The following ADAP1 variants were observed in gnomAD, a reference collection of about 807,000 sequenced individuals.
ADAP1 encodes arf-GAP with dual PH domain-containing protein 1.
A neutral mutation model predicts 54.9 loss-of-function variants in ADAP1; 31 were observed. That is an observed-to-expected ratio of 0.56 (90% CI 0.42 to 0.76). The LOEUF is 0.76. Ranked by LOEUF, ADAP1 falls within the 30% of genes least tolerant of loss-of-function variation. The pLI is 0.00. For missense variants in ADAP1, 535 were observed against 512.4 expected (o/e 1.04, Z -0.42); for synonymous variants, 313 against 202.6 (o/e 1.55, Z -4.63).
At position 919,892 on chromosome 7, in the gene ADAP1, G is replaced by A. The variant is rs532379180; in HGVS notation, c.388+76C>T. 1.1e-4 allele frequency: 108 copies of A among 983,222 alleles called. 1 individual carries two copies. The highest frequency in any genetic ancestry group is 3.2e-4 in the Middle Eastern group (1 of 3,108). The allele number at this position is 983,222 out of a possible 1,614,324, so 60.9% of individuals were successfully genotyped here. ...GGAGGGAAAGAGATGGGGGAGGGAG[G>A]GAAAGAGATGGGGGAGGGAGGGAGA... is the stretch of plus-strand genomic sequence containing the variant. On this transcript the variant is annotated intron_variant, in intron 4 of 10. Transcript: ENST00000265846.
Position 946,349 on chromosome 7 carries a change from C to T in ADAP1, c.82+8047G>A, listed in dbSNP as rs1292850985. On this transcript the variant is annotated intron_variant, in intron 1 of 10. Coordinates refer to ENST00000265846, the MANE Select transcript of ADAP1 (RefSeq NM_006869.4). The surrounding 1 kb of genome is among the most constrained non-coding windows in gnomAD (Gnocchi z 4.3). ...CCTCTCTGCCCAGGCCCCAGGCCCC[C>T]ACCCCCTCACGCTCACGGGCGGCCC... Among the ~76,000 whole-genome samples, 4 of 152,070 alleles carry T rather than the reference C, an allele frequency of 2.6e-5. No individual in the cohort carries two copies. The highest frequency in any genetic ancestry group is 7.3e-5 in the African/African-American group (3 of 41,364).
intron 2 of ADAP1, among the ~76,000 whole-genome samples, chr7:929,036 GT>G (rs1398796231): frequency 6.6e-6 from 1 of 152,234 alleles, no homozygotes; most frequent in Non-Finnish European, 1.5e-5. Context: ...GCTCACGCCT[GT>G]CATCCCAGCA....
In ADAP1 at chr7:935,035, C is replaced by G. The variant is rs551840868; in HGVS notation, c.213+340G>C. 1.0e-4 allele frequency: 46 copies of G among 448,642 alleles called. 1 individual carries two copies. Among genetic ancestry groups the G allele is most frequent in the South Asian group, 7.7e-4 (46 of 59,782 alleles). 27.8% of individuals were successfully genotyped at this position (448,642 alleles called of 1,614,324 possible). On this transcript the variant is annotated intron_variant, in intron 2 of 10. Coordinates refer to ENST00000265846, the MANE Select transcript of ADAP1 (RefSeq NM_006869.4). ...TTCTGTTTCCTTAGAGACAGGGTCT[C>G]TTTTACCCTGAGCCCAGTGCTCCAG... is the stretch of plus-strand genomic sequence containing the variant.
intron 2 of ADAP1, among the ~76,000 whole-genome samples, chr7:932,303 G>A (rs961375135): frequency 6.6e-6 from 1 of 152,160 alleles, no homozygotes; most frequent in African/African-American, 2.4e-5. Context: ...CATCACCCCA[G>A]GCAGATCAGG....
In ADAP1 at chr7:904,270, G is replaced by A. The variant is rs201134549; in HGVS notation, c.504C>T (p.Ala168=). Reference sequence around the variant, plus strand: ...TCTTCATCACGGCCTTGGGCTCCTTGGCCTGAGAAGGGGTGGGGTCTAAGC... The same window carrying A: ...TCTTCATCACGGCCTTGGGCTCCTTAGCCTGAGAAGGGGTGGGGTCTAAGC... ...GALKYFNRND[A]KEPKAVMKIE... is the part of the protein sequence containing the mutation. The change falls in exon 6 of 11, where the codon GCC becomes GCT. Residue 168 remains alanine, a splice_region_variant and synonymous_variant. Coordinates refer to ENST00000265846, the MANE Select transcript of ADAP1 (RefSeq NM_006869.4). 6.3e-7 allele frequency: 1 copy of A among 1,588,282 alleles called. No individual in the cohort carries two copies. The highest frequency in any genetic ancestry group is 2.3e-5 in the East Asian group (1 of 44,162).
chr7:911,483 C>G (rs1302258933), intron 4 of ADAP1, among the ~76,000 whole-genome samples: 1 of 152,162 alleles, frequency 6.6e-6, no homozygotes, highest in South Asian at 2.1e-4. Context: ...ACAGGGGCCC[C>G]AGCGCCCAAG....
intron 1 of ADAP1, among the ~76,000 whole-genome samples, chr7:952,149 C>G (rs573119861): frequency 5.9e-5 from 9 of 152,106 alleles, no homozygotes; most frequent in African/African-American, 2.2e-4. Flanking sequence ...GGCCGCCGGG[C>G]GAGGCCCCCT....
intron 6 of ADAP1, chr7:903,915 C>T (rs896577192): frequency 2.6e-5 from 15 of 581,440 alleles, no homozygotes; most frequent in Non-Finnish European, 3.4e-5. Flanking sequence ...CTGCACCTGT[C>T]TTCCCATGCT....
rs372776243 is a variant in ADAP1, at chr7:905,403, A to AG, written c.389-232dup. The AG allele has an allele frequency of 8.9e-4, 204 of 229,592 alleles. 45 individuals are homozygous for AG. The highest frequency in any genetic ancestry group is 4.6e-3 in the South Asian group (85 of 18,422). The allele number at this position is 229,592 out of a possible 1,614,324, so 14.2% of individuals were successfully genotyped here. ...AGAAAGGAGAAAGGAGAAAGGAGAAAGGAGAAAGGGAGAAAGAGAAAGGAG... is the reference window on the plus strand; with the variant it reads ...AGAAAGGAGAAAGGAGAAAGGAGAAAGGGAGAAAGGGAGAAAGAGAAAGGAG... On this transcript the variant is annotated intron_variant, in intron 4 of 10. Coordinates refer to ENST00000265846, the MANE Select transcript of ADAP1 (RefSeq NM_006869.4).
At chr7:951,818 T>G in intron 1 of ADAP1, among the ~76,000 whole-genome samples, 1 of 152,198 alleles carries the variant, frequency 6.6e-6, no homozygotes, top group Non-Finnish European at 1.5e-5. Context: ...TATGTGTGTT[T>G]TTCTTTTTTT....
chr7:918,035 C>A (rs1229017285), intron 4 of ADAP1, among the ~76,000 whole-genome samples: 1 of 152,130 alleles, frequency 6.6e-6, no homozygotes, highest in Admixed American at 6.6e-5. Context: ...GAGATCTGCC[C>A]GCCTTGACCT....
intron 6 of ADAP1, among the ~76,000 whole-genome samples, chr7:903,165 C>G (rs1475505811): frequency 1.3e-5 from 2 of 152,206 alleles, no homozygotes; most frequent in East Asian, 3.8e-4. Flanking sequence ...ACATGGTCAA[C>G]TGCGGCAAGG....
chr7:902,221 G>A (rs918460278), intron 6 of ADAP1, among the ~76,000 whole-genome samples: 2 of 150,938 alleles, frequency 1.3e-5, no homozygotes, highest in Admixed American at 6.6e-5. Context: ...CACTTTGGGA[G>A]GCTGAGGCAG....
chr7:905,078 C>T lies in ADAP1; in HGVS notation c.483G>A (p.Lys161=), dbSNP rs78775288. ...GACTCACATCATTTCTGTTGAAATA[C>T]TTCAGAGCACCCTCTCGTTCTGTCA... ...FVLTEREGAL[K]YFNRNDAKEP... Residue 161 remains lysine (K), a synonymous_variant, in exon 5 of 11, where the codon AAG becomes AAA. Coordinates refer to ENST00000265846, the MANE Select transcript of ADAP1 (RefSeq NM_006869.4). The T allele has an allele frequency of 3.7e-3, 5,934 of 1,611,732 alleles. 18 individuals are homozygous for T. The highest frequency in any genetic ancestry group is 3.8e-3 in the Non-Finnish European group (4,537 of 1,179,872).
intron 4 of ADAP1, chr7:905,476 G>GAGAAAGGAGAAAGGAGAAAGGA (rs373057755): frequency 5.5e-5 from 3 of 54,928 alleles, no homozygotes; most frequent in South Asian, 2.2e-4. Context: ...AAGGAGAAAG[G>GAGAAAGGAGAAAGGAGAAAGGA]GAAAGGAGAA....
intron 4 of ADAP1, among the ~76,000 whole-genome samples, chr7:908,696 C>T (rs1312940813): frequency 2.0e-5 from 3 of 152,234 alleles, no homozygotes; most frequent in South Asian, 2.1e-4. Context: ...TTGGACGCGG[C>T]GCTTCGTGGC....
chr7:951,150 G>A (rs1847258643), intron 1 of ADAP1, among the ~76,000 whole-genome samples: 2 of 152,126 alleles, frequency 1.3e-5, no homozygotes, highest in African/African-American at 4.8e-5. Flanking sequence ...CGAGGCGGGT[G>A]GATCACGAGG....
chr7:900,861 C>T (rs906277441), intron 6 of ADAP1: 3 of 590,648 alleles, frequency 5.1e-6, no homozygotes, highest in Non-Finnish European at 9.2e-6. Context: ...CGGCGAAGTC[C>T]TGAGAAGGGC....
At position 926,566 on chromosome 7, in the gene ADAP1, G is replaced by T; in HGVS notation, c.292C>A (p.Pro98Thr). 2 of 1,538,998 alleles carry T rather than the reference G, an allele frequency of 1.3e-6. No individual in the cohort carries two copies. The highest frequency in any genetic ancestry group is 1.7e-6 in the Non-Finnish European group (2 of 1,143,248). ...CTTTGTACTCACTGGCAGTCGGAGG[G>T]CGTGGGCCGGTAGTAGAAGGAGGGT... Reference protein sequence around the residue: ...KVPSFYYRPTPSDCQLLREQW... With the variant: ...KVPSFYYRPTTSDCQLLREQW... The change falls in exon 3 of 11, where the codon CCC (proline) becomes ACC (threonine). Residue 98 changes from proline (P) to threonine (T), a missense_variant. Pro to Thr is a conservative substitution (Grantham distance 38). Coordinates refer to ENST00000265846, the MANE Select transcript of ADAP1 (RefSeq NM_006869.4). This position sits in a 1 kb window ranked among gnomAD's most constrained non-coding sequence, Gnocchi z 4.6.
Sources: allele counts gnomAD v4.1 joint callset (sites outside exome capture counted in the v4.1 genomes callset), GRCh38; gene constraint gnomAD v4.1.1; non-coding constraint Gnocchi (gnomAD v3.1); transcripts MANE v1.5; gene names NCBI Gene and HGNC (gene_info 2026-07-23, HGNC 2026-07-21).